FOXP1: variants seen among roughly 807,000 people sequenced by gnomAD.
FOXP1 encodes the protein forkhead box P1.
A neutral mutation model predicts 98.2 loss-of-function variants in FOXP1; 15 were observed. The ratio of observed to expected loss-of-function variants is 0.15; its 90% CI spans 0.10 to 0.24. The LOEUF (loss-of-function observed/expected upper bound fraction) is 0.24, where lower values mean the gene tolerates loss of function less well. FOXP1 is among the 10% of genes least tolerant of loss of function. FOXP1 has a pLI of 1.00. For missense variants in FOXP1, 633 were observed against 848.5 expected, an observed-to-expected ratio of 0.75 and a Z score of 3.15; for synonymous variants, 371 against 314.5, an observed-to-expected ratio of 1.18 and a Z score of -1.90.
At chr3:71,018,097 T>C (rs2044785018) in intron 11 of FOXP1, among the ~76,000 whole-genome samples, 2 of 152,154 alleles carry the variant, frequency 1.3e-5, no homozygotes, top group South Asian at 4.1e-4. Flanking sequence ...AAAATAATAA[T>C]ATGCATTCAC....
chr3:71,331,656 C>T lies in FOXP1; in HGVS notation c.-73+27494G>A, dbSNP rs1003774144. Among the ~76,000 whole-genome samples, 8 of 152,350 alleles carry T rather than the reference C, an allele frequency of 5.3e-5. No individual in the cohort carries two copies. In the East Asian group the frequency reaches 1.5e-3, roughly 29 times the overall value. ...GTATCTAGCTCAAGGTTTGTAAATA[C>T]ACCAATCAGCACCCTGTGTCTAGCT... On this transcript the variant is annotated intron_variant, in intron 4 of 20. Transcript: ENST00000649528.
chr3:71,446,910 A>T (rs553960090), intron 3 of FOXP1, among the ~76,000 whole-genome samples: 1 of 152,400 alleles, frequency 6.6e-6, no homozygotes, highest in Admixed American at 6.5e-5. Context: ...TCAGGGTTGC[A>T]AACTCAAATG....
At chr3:71,165,759 G>A (rs931023692) in intron 6 of FOXP1, among the ~76,000 whole-genome samples, 5 of 152,132 alleles carry the variant, frequency 3.3e-5, no homozygotes, top group African/African-American at 1.2e-4. Flanking sequence ...AGGCATCCGA[G>A]ACAACCAGAA....
chr3:71,406,403 G>GTATATA (rs112681983), intron 3 of FOXP1, among the ~76,000 whole-genome samples: 6,589 of 107,832 alleles, frequency 0.061, 753 homozygotes, highest in African/African-American at 0.13. Context: ...ATAACTGTAT[G>GTATATA]TGTATATATA....
At chr3:71,471,367 GA>G (rs2106688221) in intron 3 of FOXP1, among the ~76,000 whole-genome samples, 1 of 151,952 alleles carries the variant, frequency 6.6e-6, no homozygotes, top group Admixed American at 6.5e-5. Context: ...TGTTATAAAG[GA>G]AAAGAACAGG....
chr3:71,184,132 A>C (rs1055611205), intron 6 of FOXP1, among the ~76,000 whole-genome samples: 1 of 152,196 alleles, frequency 6.6e-6, no homozygotes, highest in African/African-American at 2.4e-5. Flanking sequence ...AGCCTGGGCA[A>C]CAAGAGCAAG....
chr3:71,056,339 G>C (rs566525086), intron 7 of FOXP1, among the ~76,000 whole-genome samples: 6 of 152,280 alleles, frequency 3.9e-5, no homozygotes, highest in Non-Finnish European at 7.4e-5. Context: ...TACCTGTACA[G>C]ACAATTTTTA....
chr3:71,255,459 T>C (rs1576613738), intron 5 of FOXP1, among the ~76,000 whole-genome samples: 1 of 152,316 alleles, frequency 6.6e-6, no homozygotes, highest in South Asian at 2.1e-4. Context: ...TTGATTTTAT[T>C]ATGTTTCCTC....
At chr3:71,100,232 C>T (rs945086575) in intron 7 of FOXP1, among the ~76,000 whole-genome samples, 1 of 152,226 alleles carries the variant, frequency 6.6e-6, no homozygotes, top group African/African-American at 2.4e-5. Context: ...GGTAGAGCCA[C>T]TTCATATCCT....
chr3:71,474,272 GA>G (rs2106738469), intron 3 of FOXP1, among the ~76,000 whole-genome samples: 1 of 152,242 alleles, frequency 6.6e-6, no homozygotes, highest in Admixed American at 6.5e-5. Context: ...AAGAGGACTA[GA>G]AAAGAAGAGT....
chr3:71,127,199 A>T (rs2059272218), intron 6 of FOXP1, among the ~76,000 whole-genome samples: 1 of 152,168 alleles, frequency 6.6e-6, no homozygotes, highest in African/African-American at 2.4e-5. Context: ...GGCCCACGGC[A>T]CTCCAGAATT....
chr3:71,532,948 T>G (rs1017810923), intron 2 of FOXP1, among the ~76,000 whole-genome samples: 1 of 152,108 alleles, frequency 6.6e-6, no homozygotes, highest in Non-Finnish European at 1.5e-5. Flanking sequence ...TAAACATGAG[T>G]CATATTCAAA....
At chr3:71,191,409 A>T (rs1177715717) in intron 6 of FOXP1, among the ~76,000 whole-genome samples, 1 of 152,196 alleles carries the variant, frequency 6.6e-6, no homozygotes, top group African/African-American at 2.4e-5. Flanking sequence ...TTATCTTTTC[A>T]AAGTGGCAAA....
At chr3:71,067,731 TACACACACACACACACACAC>T (rs6147878) in intron 7 of FOXP1, among the ~76,000 whole-genome samples, 1 of 126,614 alleles carries the variant, frequency 7.9e-6, no homozygotes, top group South Asian at 2.8e-4. Flanking sequence ...TCTCCAAAAA[TACACACACACACACACACAC>T]ACACACACAC....
At chr3:71,104,043 CA>C (rs2057217869) in intron 7 of FOXP1, among the ~76,000 whole-genome samples, 1 of 152,172 alleles carries the variant, frequency 6.6e-6, no homozygotes, top group Admixed American at 6.5e-5. Context: ...AAGATTCACA[CA>C]GGAAAAAGAC....
chr3:71,448,075 G>A (rs1049652173), intron 3 of FOXP1, among the ~76,000 whole-genome samples: 13 of 152,104 alleles, frequency 8.5e-5, no homozygotes, highest in Non-Finnish European at 1.6e-4. Flanking sequence ...TCTAAACAAC[G>A]CTTCCCTGCC....
chr3:71,202,628 A>G (rs1471596561), intron 5 of FOXP1, among the ~76,000 whole-genome samples: 1 of 152,236 alleles, frequency 6.6e-6, no homozygotes, highest in Non-Finnish European at 1.5e-5. Flanking sequence ...AGATGTAGCC[A>G]TAACTATTCT....
chr3:71,530,734 T>C (rs1004125757), intron 2 of FOXP1, among the ~76,000 whole-genome samples: 5 of 152,180 alleles, frequency 3.3e-5, no homozygotes, highest in Non-Finnish European at 7.4e-5. Flanking sequence ...TAGGTGTGAT[T>C]GTTCCAGTTT....
intron 14 of FOXP1, among the ~76,000 whole-genome samples, chr3:70,984,462 C>A (rs1294059313): frequency 6.6e-6 from 1 of 152,152 alleles, no homozygotes; most frequent in African/African-American, 2.4e-5. Flanking sequence ...TAGTGCAATT[C>A]ACGGAAAGTG....
Sources: gnomAD v4.1 joint callset for allele counts (sites outside exome capture counted in the v4.1 genomes callset) on GRCh38, gnomAD v4.1.1 for gene constraint, MANE v1.5 for transcripts, NCBI Gene and HGNC (gene_info 2026-07-23, HGNC 2026-07-21) for gene names.